Variants in INSR observed in about 807,000 individuals in gnomAD.
INSR encodes IR.
A neutral mutation model predicts 142.6 loss-of-function variants in INSR; 67 were observed. The ratio of observed to expected loss-of-function variants is 0.47; its 90% CI spans 0.39 to 0.58. The LOEUF is 0.58. Ranked by LOEUF, INSR falls within the 20% of genes least tolerant of loss-of-function variation. The pLI, the probability that INSR is intolerant of heterozygous loss-of-function variation, is 0.00. For synonymous variants in INSR, 756 were observed against 743.1 expected (o/e 1.02, Z -0.28); for missense variants, 1,248 against 1,833.2 (o/e 0.68, Z 5.83).
At chr19:7,259,518 T>C (rs1976995958) in intron 2 of INSR, among the ~76,000 whole-genome samples, 1 of 151,990 alleles carries the variant, frequency 6.6e-6, no homozygotes, top group South Asian at 2.1e-4. Context: ...ACAATTCCGA[T>C]TGTTAAAATA....
At chr19:7,171,725 C>A (rs8110518) in intron 5 of INSR, among the ~76,000 whole-genome samples, 1 of 151,874 alleles carries the variant, frequency 6.6e-6, no homozygotes, top group Non-Finnish European at 1.5e-5. Flanking sequence ...AGGATGGGCA[C>A]CAAGGTTGGG....
intron 2 of INSR, among the ~76,000 whole-genome samples, chr19:7,210,828 C>T (rs1230822767): frequency 6.6e-6 from 1 of 151,920 alleles, no homozygotes; most frequent in Non-Finnish European, 1.5e-5. Flanking sequence ...CTCGCGGTTT[C>T]AAGCAATTCT....
intron 2 of INSR, among the ~76,000 whole-genome samples, chr19:7,207,400 G>A (rs1975134008): frequency 6.6e-6 from 1 of 151,838 alleles, no homozygotes; most frequent in African/African-American, 2.4e-5. Context: ...CTGGGCAACA[G>A]AGTGAGACTC....
rs1172441981 is a variant in INSR at position 7,216,082 on chromosome 19, G to A, written c.653-31445C>T. Among the ~76,000 whole-genome samples the A allele has an allele frequency of 6.6e-6, 1 of 151,922 alleles. No homozygotes were observed. Among genetic ancestry groups the A allele is most frequent in the African/African-American group, 2.4e-5 (1 of 41,408 alleles). The stretch of plus-strand genomic sequence containing the variant: ...TCACGCCTATAATCCCAGCACTTTG[G>A]GAGGCCAAGGTGAGTGGACCACCTG... On this transcript the variant is annotated intron_variant, in intron 2 of 21. Transcript: ENST00000302850. The surrounding 1 kb of genome is among the most constrained non-coding windows in gnomAD (Gnocchi z 4.2).
In INSR at chr19:7,152,843, G is replaced by A. The variant is rs898164835; in HGVS notation, c.2114C>T (p.Ser705Leu). The change falls in exon 10 of 22, where the codon TCG (serine) becomes TTG (leucine). Residue 705 changes from serine to leucine, a missense_variant. Ser to Leu is a moderately radical substitution (Grantham distance 145). Transcript: ENST00000302850. Reference protein sequence around the residue: ...QKHNQSEYEDSAGECCSCPKT... With the variant: ...QKHNQSEYEDLAGECCSCPKT... ...TGGACAGGAGCAGCATTCGCCGGCC[G>A]AATCCTCATACTCACTCTGGTTGTG... 3 of 1,613,408 alleles carry A rather than the reference G, an allele frequency of 1.9e-6. No individual in the cohort carries two copies. Among genetic ancestry groups the A allele is most frequent in the African/African-American group, 2.7e-5 (2 of 74,958 alleles).
chr19:7,214,986 T>G (rs1459462731), intron 2 of INSR, among the ~76,000 whole-genome samples: 5 of 151,870 alleles, frequency 3.3e-5, no homozygotes, highest in Non-Finnish European at 5.9e-5. Context: ...CTTCAGGGTC[T>G]GCTTCTGTTG....
chr19:7,203,777 G>A (rs1975030218), intron 2 of INSR, among the ~76,000 whole-genome samples: 1 of 152,122 alleles, frequency 6.6e-6, no homozygotes, highest in African/African-American at 2.4e-5. Flanking sequence ...TAAGTCAGAA[G>A]GAAAATGCAC....
chr19:7,143,077 G>A lies in INSR; in HGVS notation c.2281C>T (p.Arg761Cys). The A allele has an allele frequency of 1.9e-6, 3 of 1,614,188 alleles. No homozygotes were observed. Among genetic ancestry groups the A allele is most frequent in the Non-Finnish European group, 2.5e-6 (3 of 1,180,038 alleles). Reference protein sequence around the residue: ...GAEDPRPSRKRRSLGDVGNVT... With the variant: ...GAEDPRPSRKCRSLGDVGNVT... ...TTCCCAACATCGCCAAGGGACCTGC[G>A]TTTCCGAGATGGCCTGGAACGACAG... Residue 761 changes from arginine (R) to cysteine (C), a missense_variant, in exon 12 of 22, where the codon CGC (arginine) becomes TGC (cysteine). Arg to Cys is a radical substitution (Grantham distance 180). This residue lies in a region of INSR where 1,069 missense variants were observed against 1,654.0 expected (regional missense o/e 0.65). Coordinates refer to ENST00000302850, the MANE Select transcript of INSR (RefSeq NM_000208.4).
intron 1 of INSR, among the ~76,000 whole-genome samples, chr19:7,279,067 T>C (rs1422188891): frequency 1.3e-5 from 2 of 151,890 alleles, no homozygotes; most frequent in Non-Finnish European, 2.9e-5. Flanking sequence ...AGGGAGAGGT[T>C]GAGTGAGCTG....
intron 2 of INSR, among the ~76,000 whole-genome samples, chr19:7,199,451 G>A (rs1307218322): frequency 1.3e-5 from 2 of 151,186 alleles, no homozygotes. Flanking sequence ...AGGCTGGAGT[G>A]CAATGGAGCC....
rs959176884 is a variant in INSR at position 7,221,100 on chromosome 19, G to A, written c.653-36463C>T. 6.6e-5 allele frequency among the ~76,000 whole-genome samples: 10 copies of A among 152,164 alleles called. No homozygotes were observed. In the East Asian group the frequency reaches 9.6e-4, roughly 15 times the overall value. On this transcript the variant is annotated intron_variant, in intron 2 of 21. Coordinates refer to ENST00000302850, the MANE Select transcript of INSR (RefSeq NM_000208.4). ...CAAGAAGGTCTTCACCAGGCCGAGC[G>A]CAGTGGCTCACGCCTGTAATCCCAG...
chr19:7,243,595 G>C (rs549958705), intron 2 of INSR, among the ~76,000 whole-genome samples: 7 of 152,078 alleles, frequency 4.6e-5, no homozygotes, highest in Non-Finnish European at 1.0e-4. Flanking sequence ...AAAAGTTATG[G>C]CACCATAAAA....
intron 14 of INSR, 75 bp from the exon 15 acceptor site, chr19:7,129,029 C>T (rs1199129319): frequency 4.2e-6 from 5 of 1,202,286 alleles, no homozygotes; most frequent in South Asian, 1.2e-5. Flanking sequence ...ATCACATCCA[C>T]TCCTGGAATG....
intron 2 of INSR, among the ~76,000 whole-genome samples, chr19:7,248,198 T>G (rs913729049): frequency 6.6e-6 from 1 of 150,748 alleles, no homozygotes; most frequent in Non-Finnish European, 1.5e-5. Flanking sequence ...CAGGCTGGAG[T>G]GCAGTGGCAT....
chr19:7,147,663 G>C (rs1177874520), intron 11 of INSR, among the ~76,000 whole-genome samples: 2 of 152,106 alleles, frequency 1.3e-5, no homozygotes, highest in African/African-American at 4.8e-5. Context: ...TTGTAGAATG[G>C]AAAAGAAAAC....
At chr19:7,255,750 T>A (rs1053224467) in intron 2 of INSR, among the ~76,000 whole-genome samples, 9 of 151,906 alleles carry the variant, frequency 5.9e-5, no homozygotes, top group African/African-American at 4.8e-5. Context: ...GCTAATTTTT[T>A]AAAATTTTTT....
In INSR at chr19:7,205,513, G is replaced by T. The variant is rs547039185; in HGVS notation, c.653-20876C>A. ...ACAGCCAGCCATGCCTGTCAGTCCC[G>T]CAGTAGCCAGGCCTAAGATGGGGAC... On this transcript the variant is annotated intron_variant, in intron 2 of 21. Transcript: ENST00000302850. 5.9e-5 allele frequency among the ~76,000 whole-genome samples: 9 copies of T among 152,230 alleles called. No individual in the cohort carries two copies. In the South Asian group the frequency reaches 1.7e-3, roughly 28 times the overall value.
intron 12 of INSR, 58 bp downstream of exon 12, chr19:7,142,758 C>T: frequency 6.3e-7 from 1 of 1,595,916 alleles, no homozygotes; most frequent in Non-Finnish European, 8.6e-7. Context: ...GAGAATCTGT[C>T]CTTGGTCAGC....
Position 7,150,493 on chromosome 19 carries a change from A to T in INSR, c.2267+4T>A, listed in dbSNP as rs754627145. On this transcript the variant is annotated splice_donor_region_variant and intron_variant, in intron 11 of 21. Coordinates refer to ENST00000302850, the MANE Select transcript of INSR (RefSeq NM_000208.4). This position sits in a 1 kb window ranked among gnomAD's most constrained non-coding sequence, Gnocchi z 4.2. ...GCACCAGGGGTCGCACAGGTGAGTCATACCTAGGGTCCTCGGCACCAGTGC... is the reference window on the plus strand; with the variant it reads ...GCACCAGGGGTCGCACAGGTGAGTCTTACCTAGGGTCCTCGGCACCAGTGC... The T allele has an allele frequency of 6.2e-7, 1 of 1,614,128 alleles. No individual in the cohort carries two copies. Among genetic ancestry groups the T allele is most frequent in the East Asian group, 2.2e-5 (1 of 44,886 alleles).
Sources: gnomAD v4.1 joint callset for allele counts (sites outside exome capture counted in the v4.1 genomes callset) on GRCh38, gnomAD v4.1.1 for gene constraint, gnomAD v4.1.1 regional missense constraint, Gnocchi (gnomAD v3.1) non-coding constraint, MANE v1.5 for transcripts, NCBI Gene and HGNC (gene_info 2026-07-23, HGNC 2026-07-21) for gene names.